PIWIL2: variants seen among roughly 807,000 people sequenced by gnomAD.
PIWIL2 encodes the protein piwi-like protein 2.
In PIWIL2, 81 loss-of-function variants were observed where a neutral mutation model predicts 116.5. The ratio of observed to expected loss-of-function variants is 0.70; its 90% CI spans 0.58 to 0.84. PIWIL2 has a LOEUF of 0.84. Ranked by LOEUF, PIWIL2 falls within the 40% of genes least tolerant of loss-of-function variation. The pLI, the probability that PIWIL2 is intolerant of heterozygous loss-of-function variation, is 0.00. For synonymous variants in PIWIL2, 489 were observed against 429.5 expected (o/e 1.14, Z -1.71); for missense variants, 1,272 against 1,212.3 (o/e 1.05, Z -0.73).
At chr8:22,329,336 C>T (rs886331666) in intron 20 of PIWIL2, among the ~76,000 whole-genome samples, 6 of 152,166 alleles carry the variant, frequency 3.9e-5, no homozygotes, top group East Asian at 1.9e-4. Flanking sequence ...TTAATTGGCT[C>T]ATGGTTCTGC....
At chr8:22,282,244 C>G (rs1413244048) in intron 4 of PIWIL2, among the ~76,000 whole-genome samples, 3 of 33,570 alleles carry the variant, frequency 8.9e-5, no homozygotes, top group African/African-American at 1.1e-4. Flanking sequence ...CCACACCCGG[C>G]TTTTTTTTTT....
At chr8:22,303,932 T>C (rs1000568310) in intron 10 of PIWIL2, 89 bp from the exon 11 acceptor site, 2 of 796,030 alleles carry the variant, frequency 2.5e-6, no homozygotes, top group Non-Finnish European at 4.0e-6. Context: ...ATAGCTGTGA[T>C]TAGATTCCTC....
chr8:22,332,947 A>G (rs925603985), intron 20 of PIWIL2, among the ~76,000 whole-genome samples: 2 of 152,186 alleles, frequency 1.3e-5, no homozygotes, highest in Non-Finnish European at 2.9e-5. Context: ...AATCTATTCC[A>G]TCTAAAACAA....
At chr8:22,320,206 G>A (rs938064586) in intron 20 of PIWIL2, among the ~76,000 whole-genome samples, 1 of 148,814 alleles carries the variant, frequency 6.7e-6, no homozygotes, top group Non-Finnish European at 1.5e-5. Context: ...CATGATCCAC[G>A]CTTCTCAGCC....
At chr8:22,344,315 A>G (rs768686232) in intron 20 of PIWIL2, among the ~76,000 whole-genome samples, 4 of 152,222 alleles carry the variant, frequency 2.6e-5, no homozygotes, top group Non-Finnish European at 4.4e-5. Flanking sequence ...GTACAACACA[A>G]ATATGTAAAC....
In PIWIL2 at chr8:22,331,587, A is replaced by T. The variant is rs865875835; in HGVS notation, c.2403+13312A>T. 4.6e-5 allele frequency among the ~76,000 whole-genome samples: 7 copies of T among 152,336 alleles called. No homozygotes were observed. The South Asian group carries it at 1.2e-3, about 27-fold the overall frequency. On this transcript the variant is annotated intron_variant, in intron 20 of 22. Transcript: ENST00000356766. The stretch of plus-strand genomic sequence containing the variant: ...GCATGAAAAAAATTGGAATTTTTAG[A>T]AATGAAAACTACAGTAACTGAAATT...
chr8:22,316,403 G>T, intron 19 of PIWIL2, 70 bp downstream of exon 19: 2 of 921,108 alleles, frequency 2.2e-6, no homozygotes, highest in Non-Finnish European at 1.8e-6. Context: ...TATAAATCCA[G>T]CAAATCTTTT....
chr8:22,353,147 T>A lies in PIWIL2; in HGVS notation c.2592T>A (p.Ala864=). The change falls in exon 21 of 23, where the codon GCT becomes GCA. Residue 864 remains alanine (A), a synonymous_variant. Transcript: ENST00000356766. ...TCAGTACTAATCTATATCTGGCTGC[T>A]CCTCAGAACTTTGTAACTCCCACTC... ...KKISTNLYLA[A]PQNFVTPTPG... 6.2e-7 allele frequency: 1 copy of A among 1,613,982 alleles called. No individual in the cohort carries two copies. The highest frequency in any genetic ancestry group is 8.5e-7 in the Non-Finnish European group (1 of 1,179,836).
chr8:22,316,096 T>C (rs1831451984), intron 18 of PIWIL2, 149 bp from the exon 19 acceptor site: 3 of 589,708 alleles, frequency 5.1e-6, no homozygotes, highest in African/African-American at 3.7e-5. Context: ...AAATGTCAAG[T>C]TGATTGTCTT....
At chr8:22,349,672 A>G (rs543773182) in intron 20 of PIWIL2, among the ~76,000 whole-genome samples, 3 of 152,100 alleles carry the variant, frequency 2.0e-5, no homozygotes, top group Non-Finnish European at 2.9e-5. Context: ...GCCTTTTAAC[A>G]CAGCGAGTTA....
intron 20 of PIWIL2, among the ~76,000 whole-genome samples, chr8:22,334,620 T>A (rs866075346): frequency 3.3e-5 from 5 of 152,110 alleles, no homozygotes; most frequent in African/African-American, 1.2e-4. Context: ...GGTTTCTCCA[T>A]GTTGGTCAGG....
Position 22,316,762 on chromosome 8 carries a change from G to A in PIWIL2, c.2297+429G>A, listed in dbSNP as rs536279222. ...CTCCCACAGTGCTTGGATTACAGGC[G>A]TGAGCCATCATGCCCGGCTATGAAA... On this transcript the variant is annotated intron_variant, in intron 19 of 22. Transcript: ENST00000356766. 4.0e-5 allele frequency among the ~76,000 whole-genome samples: 6 copies of A among 151,424 alleles called. No homozygotes were observed. In the East Asian group the frequency reaches 1.2e-3, roughly 30 times the overall value.
chr8:22,340,219 AT>A (rs1022609950), intron 20 of PIWIL2, among the ~76,000 whole-genome samples: 4 of 150,648 alleles, frequency 2.7e-5, no homozygotes, highest in Non-Finnish European at 4.4e-5. Context: ...TGCCTGGCTA[AT>A]TTTTTTTTGT....
chr8:22,309,713 C>A (rs938521780), intron 14 of PIWIL2, among the ~76,000 whole-genome samples: 1 of 152,188 alleles, frequency 6.6e-6, no homozygotes, highest in African/African-American at 2.4e-5. Flanking sequence ...AAATCCCTTT[C>A]TTGGGATATC....
chr8:22,305,662 A>AT lies in PIWIL2; in HGVS notation c.1456-254dup, dbSNP rs545167673. ...TTGTCTTGAGGCCCAAGAGGGACAG[A>AT]TTTTTTTTTTTCTAGTTTTTACTCT... On this transcript the variant is annotated intron_variant, in intron 12 of 22. Coordinates refer to ENST00000356766, the MANE Select transcript of PIWIL2 (RefSeq NM_018068.5). Among the ~76,000 whole-genome samples, 723 of 149,154 alleles carry AT rather than the reference A, an allele frequency of 4.8e-3. 4 individuals carry two copies. The highest frequency in any genetic ancestry group is 0.018 in the East Asian group (91 of 5,098).
Position 22,355,466 on chromosome 8 carries a change from A to T in PIWIL2, c.2883A>T (p.Glu961Asp). 6.2e-7 allele frequency: 1 copy of T among 1,614,156 alleles called. No homozygotes were observed. Residue 961 changes from glutamate (E) to aspartate (D), a missense_variant, in exon 23 of 23, where the codon GAA (glutamate) becomes GAT (aspartate). Transcript: ENST00000356766. ...AFLSGHILHH[E>D]PAIQLCENLF... ...TGTCAGGACACATCTTGCATCATGAACCAGCCATCCAGCTGTGCGAGAACC... is the reference window on the plus strand; with the variant it reads ...TGTCAGGACACATCTTGCATCATGATCCAGCCATCCAGCTGTGCGAGAACC...
In PIWIL2 at chr8:22,284,236, A is replaced by G. The variant is rs1406863574; in HGVS notation, c.707A>G (p.His236Arg). Residue 236 changes from histidine to arginine, a missense_variant, in exon 6 of 23, where the codon CAT (histidine) becomes CGT (arginine). His to Arg is a conservative substitution (Grantham distance 29). Transcript: ENST00000356766. Reference sequence around the variant, plus strand: ...CTGAACCTCGTCAAAATACAGTGTCATAATGAAGCAGTTTATCAATATCAT... The same window carrying G: ...CTGAACCTCGTCAAAATACAGTGTCGTAATGAAGCAGTTTATCAATATCAT... Reference protein sequence around the residue: ...LGLNLVKIQCHNEAVYQYHVT... With the variant: ...LGLNLVKIQCRNEAVYQYHVT... 2 of 1,602,378 alleles carry G rather than the reference A, an allele frequency of 1.2e-6. No homozygotes were observed. Among genetic ancestry groups the G allele is most frequent in the Non-Finnish European group, 1.7e-6 (2 of 1,172,768 alleles).
chr8:22,321,792 T>G, intron 20 of PIWIL2: 1 of 861,376 alleles, frequency 1.2e-6, no homozygotes, highest in Non-Finnish European at 1.4e-6. Context: ...GCTTTGGGGT[T>G]CTAAGATTCT....
intron 20 of PIWIL2, among the ~76,000 whole-genome samples, chr8:22,351,116 A>G (rs1832342946): frequency 6.6e-6 from 1 of 151,662 alleles, no homozygotes; most frequent in South Asian, 2.1e-4. Context: ...GCATCACTGC[A>G]CTTCAGCCTG....
Sources: gnomAD v4.1 joint callset for allele counts (sites outside exome capture counted in the v4.1 genomes callset) on GRCh38, gnomAD v4.1.1 for gene constraint, MANE v1.5 for transcripts, NCBI Gene and HGNC (gene_info 2026-07-23, HGNC 2026-07-21) for gene names.